Variants in ZNF518A observed in about 807,000 individuals in gnomAD.
ZNF518A encodes zinc finger protein 518.
ZNF518A carries 47 observed loss-of-function variants against 102.7 expected under a neutral mutation model. The ratio of observed to expected loss-of-function variants is 0.46; its 90% confidence interval spans 0.36 to 0.58. The LOEUF is 0.58. Among genes scored for constraint, ZNF518A ranks in the 20% least tolerant of loss-of-function variants. The probability of loss-of-function intolerance (pLI) is 0.00; values close to 1 mark genes in which losing one functional copy is unlikely to be tolerated. For missense variants in ZNF518A, 1,793 were observed against 1,699.8 expected, an observed-to-expected ratio of 1.05 and a Z score of -0.96; for synonymous variants, 652 against 594.6, an observed-to-expected ratio of 1.10 and a Z score of -1.40.
intron 3 of ZNF518A, among the ~76,000 whole-genome samples, chr10:96,154,151 C>T (rs587680473): frequency 1.3e-5 from 2 of 152,240 alleles, no homozygotes; most frequent in East Asian, 1.9e-4. Context: ...GGCAACATGG[C>T]GAAACCTCAT....
rs587753303 is a variant in ZNF518A, at chr10:96,184,947, C to T, written n.36-18627C>T. On this transcript the variant is annotated intron_variant and non_coding_transcript_variant, in intron 1 of 2. Coordinates refer to the ZNF518A transcript ENST00000442635. ...GTCACTTTCAGGTACACCAATCAAA[C>T]GTAGATTTGGTCTTTTCACATAGTC... 3.3e-5 allele frequency among the ~76,000 whole-genome samples: 5 copies of T among 152,272 alleles called. No homozygotes were observed. The South Asian group carries it at 8.3e-4, about 25-fold the overall frequency.
In ZNF518A at chr10:96,157,684, G is replaced by A. The variant is rs2082762607; in HGVS notation, c.1362G>A (p.Gln454=). 5 of 1,613,836 alleles carry A rather than the reference G, an allele frequency of 3.1e-6. No individual in the cohort carries two copies. Among genetic ancestry groups the A allele is most frequent in the Non-Finnish European group, 4.2e-6 (5 of 1,179,772 alleles). Residue 454 remains glutamine (Q), a synonymous_variant, in exon 6 of 6, where the codon CAG becomes CAA. Transcript: ENST00000316045. ...FMGFKMMDGK[Q]HIVLKLVPIK... ...GCTTCAAGATGATGGATGGAAAACAGCATATTGTATTAAAATTGGTGCCTA... is the reference window on the plus strand; with the variant it reads ...GCTTCAAGATGATGGATGGAAAACAACATATTGTATTAAAATTGGTGCCTA...
chr10:96,160,110 G>A lies in ZNF518A; in HGVS notation c.3788G>A (p.Ser1263Asn), dbSNP rs2082931787. 6.2e-7 allele frequency: 1 copy of A among 1,611,100 alleles called. No individual in the cohort carries two copies. The highest frequency in any genetic ancestry group is 8.5e-7 in the Non-Finnish European group (1 of 1,179,114). Residue 1263 changes from serine to asparagine, a missense_variant, in exon 6 of 6, where the codon AGT (serine) becomes AAT (asparagine). By Grantham distance (46) the Ser-to-Asn change is conservative. Around this residue, in one of 3 missense-constraint regions of ZNF518A, gnomAD observed 1,741 missense variants for 1,622.6 expected, o/e 1.07. Coordinates refer to ENST00000316045, the MANE Select transcript of ZNF518A (RefSeq NM_001330736.2). The part of the protein sequence containing the change: ...KIFSKTKTHG[S>N]KDSETAFVSR... ...TTTTCAAAAACAAAAACTCATGGAA[G>A]TAAAGACTCTGAAACTGCCTTTGTA...
rs1554882301 is a variant in ZNF518A at position 96,156,351 on chromosome 10, G to T, written c.29G>T (p.Cys10Phe). MPSEQKQLFCDEKQTTLKKD... is the reference protein window; with the variant it reads MPSEQKQLFFDEKQTTLKKD... ...CCATCTGAACAGAAACAGTTATTTT[G>T]TGATGAAAAACAAACTACTTTAAAA... Residue 10 changes from cysteine to phenylalanine, a missense_variant, in exon 6 of 6, where the codon TGT (cysteine) becomes TTT (phenylalanine). Transcript: ENST00000316045. 4.4e-6 allele frequency: 7 copies of T among 1,582,694 alleles called. No homozygotes were observed. The highest frequency in any genetic ancestry group is 6.0e-6 in the Non-Finnish European group (7 of 1,170,024).
intron 1 of ZNF518A, chr10:96,201,163 C>A: frequency 4.4e-5 from 44 of 1,007,922 alleles, no homozygotes; most frequent in Middle Eastern, 4.4e-4. Context: ...ACACATCCAC[C>A]AAAAAAAATC....
Position 96,200,692 on chromosome 10 carries a change from C to T in ZNF518A, n.36-2882C>T, listed in dbSNP as rs1347672396. ...TTTAATATCATCAGCCTCTACAGAT[C>T]TATTTGGAGGAAATTACAAAGTTTA... On this transcript the variant is annotated intron_variant and non_coding_transcript_variant, in intron 1 of 2. Transcript: ENST00000442635. The surrounding 1 kb of genome is among the most constrained non-coding windows in gnomAD (Gnocchi z 4.3). Among the ~76,000 whole-genome samples the T allele has an allele frequency of 6.6e-6, 1 of 152,130 alleles. No homozygotes were observed. The highest frequency in any genetic ancestry group is 1.5e-5 in the Non-Finnish European group (1 of 68,028).
chr10:96,202,962 C>T (rs1415941903), intron 1 of ZNF518A, among the ~76,000 whole-genome samples: 7 of 152,198 alleles, frequency 4.6e-5, no homozygotes, highest in African/African-American at 9.7e-5. Context: ...TCCCTGCCTC[C>T]GTTACTCTCT....
intron 1 of ZNF518A, among the ~76,000 whole-genome samples, chr10:96,187,661 G>T (rs1554892735): frequency 6.6e-6 from 1 of 152,172 alleles, no homozygotes; most frequent in Non-Finnish European, 1.5e-5. Flanking sequence ...TACCATAGCT[G>T]CAATCTACTT....
Position 96,200,400 on chromosome 10 carries a change from A to G in ZNF518A, n.36-3174A>G, listed in dbSNP as rs1418235162. Among the ~76,000 whole-genome samples, 4 of 152,082 alleles carry G rather than the reference A, an allele frequency of 2.6e-5. No homozygotes were observed. Among genetic ancestry groups the G allele is most frequent in the Non-Finnish European group, 4.4e-5 (3 of 68,010 alleles). ...CTGAATTATTTCTTTCTTTCTCCTA[A>G]ATAAGTAATAATCCCCCTTTCCATT... On this transcript the variant is annotated intron_variant and non_coding_transcript_variant, in intron 1 of 2. Transcript: ENST00000442635. This position sits in a 1 kb window ranked among gnomAD's most constrained non-coding sequence, Gnocchi z 4.3.
At chr10:96,173,907 T>A (rs921718988) in intron 1 of ZNF518A, among the ~76,000 whole-genome samples, 3 of 152,164 alleles carry the variant, frequency 2.0e-5, no homozygotes, top group African/African-American at 7.2e-5. Context: ...TGATACAAAG[T>A]GTGTTCTCCA....
At chr10:96,141,928 G>A (rs1398059788) in intron 3 of ZNF518A, among the ~76,000 whole-genome samples, 1 of 152,030 alleles carries the variant, frequency 6.6e-6, no homozygotes, top group Non-Finnish European at 1.5e-5. Context: ...CTTTTGTAGA[G>A]ATGAGGTCTC....
At chr10:96,174,739 C>CAGATAGAT (rs57745529) in intron 1 of ZNF518A, among the ~76,000 whole-genome samples, 27,807 of 151,012 alleles carry the variant, frequency 0.18, 3,196 homozygotes, top group Non-Finnish European at 0.27. Context: ...AAAAAAATTA[C>CAGATAGAT]AGATAGATAG....
intron 3 of ZNF518A, among the ~76,000 whole-genome samples, chr10:96,154,996 G>A (rs2082630253): frequency 6.6e-6 from 1 of 152,082 alleles, no homozygotes; most frequent in Non-Finnish European, 1.5e-5. Context: ...TATGGATGAG[G>A]AGCTTAATGT....
At chr10:96,138,936 A>G (rs1160876719) in intron 3 of ZNF518A, among the ~76,000 whole-genome samples, 7 of 149,082 alleles carry the variant, frequency 4.7e-5, no homozygotes, top group African/African-American at 1.5e-4. Flanking sequence ...TAAAGTGGCG[A>G]ATTTTTTTTT....
At chr10:96,204,381 C>T, downstream of ZNF518A, 1 of 940,238 alleles carries the variant, frequency 1.1e-6, no homozygotes, top group Non-Finnish European at 1.7e-6. Flanking sequence ...TTTAAAGTTG[C>T]TCAACACCTT....
chr10:96,198,840 A>T (rs1043723459), intron 1 of ZNF518A, among the ~76,000 whole-genome samples: 2 of 152,172 alleles, frequency 1.3e-5, no homozygotes, highest in Non-Finnish European at 2.9e-5. Context: ...CTGGGATTAT[A>T]GGCGCCCGCC....
chr10:96,173,597 T>C (rs1170178202), intron 1 of ZNF518A, among the ~76,000 whole-genome samples: 1 of 152,100 alleles, frequency 6.6e-6, no homozygotes, highest in Non-Finnish European at 1.5e-5. Flanking sequence ...TAAACATATA[T>C]GCACCTAATA....
intron 1 of ZNF518A, among the ~76,000 whole-genome samples, chr10:96,203,018 C>T (rs1326565722): frequency 6.6e-6 from 1 of 152,192 alleles, no homozygotes; most frequent in Non-Finnish European, 1.5e-5. Context: ...TATAGCACTT[C>T]AGCATTTACC....
Position 96,156,895 on chromosome 10 carries a change from G to C in ZNF518A, c.573G>C (p.Leu191=), listed in dbSNP as rs781804092. ...ICNNESVYTL[L]NLTKHFTSTH... The stretch of plus-strand genomic sequence containing the variant: ...ACAATGAGAGTGTATATACTTTACT[G>C]AACTTGACAAAGCATTTCACATCCA... The change falls in exon 6 of 6, where the codon CTG becomes CTC. Residue 191 remains leucine, a synonymous_variant. Transcript: ENST00000316045. The C allele has an allele frequency of 2.5e-6, 4 of 1,613,622 alleles. No individual in the cohort carries two copies. The highest frequency in any genetic ancestry group is 1.7e-5 in the Admixed American group (1 of 59,998).
Sources: gnomAD v4.1 joint callset for allele counts (sites outside exome capture counted in the v4.1 genomes callset) on GRCh38, gnomAD v4.1.1 for gene constraint, gnomAD v4.1.1 regional missense constraint, Gnocchi (gnomAD v3.1) non-coding constraint, MANE v1.5 for transcripts, NCBI Gene and HGNC (gene_info 2026-07-23, HGNC 2026-07-21) for gene names.